Variants in ACOT12 observed in about 807,000 individuals in gnomAD.
ACOT12 encodes the protein acyl-CoA thioesterase 12.
A neutral mutation model predicts 67.7 loss-of-function variants in ACOT12; 51 were observed. The observed-to-expected ratio is 0.75, with a 90% CI of 0.60 to 0.95. ACOT12 has a LOEUF of 0.95. Among genes scored for constraint, ACOT12 ranks in the 40% least tolerant of loss-of-function variants. The pLI is 0.00. For missense variants in ACOT12, 734 were observed against 708.1 expected (o/e 1.04, Z -0.41); for synonymous variants, 251 against 244.6 (o/e 1.03, Z -0.24).
chr5:81,330,728 C>T (rs1459063531), intron 14 of ACOT12, 86 bp downstream of exon 14: 1 of 1,557,832 alleles, frequency 6.4e-7, no homozygotes, highest in East Asian at 2.3e-5. Context: ...TACAAGATTA[C>T]AATTAATTAG....
chr5:81,308,936 A>G, the ACOT12 span: 20 of 1,611,548 alleles, frequency 1.2e-5, no homozygotes, highest in Non-Finnish European at 1.7e-5. Context: ...GGAACTGTTG[A>G]TTTTTACAGG....
chr5:81,366,777 C>T (rs983820375), intron 3 of ACOT12, among the ~76,000 whole-genome samples: 7 of 152,116 alleles, frequency 4.6e-5, no homozygotes, highest in Admixed American at 2.0e-4. Flanking sequence ...ATAAGATTAA[C>T]AGCAGTTTAG....
At chr5:81,380,063 C>T (rs921243832) in intron 2 of ACOT12, among the ~76,000 whole-genome samples, 7 of 152,162 alleles carry the variant, frequency 4.6e-5, no homozygotes, top group African/African-American at 1.7e-4. Context: ...ATAATACATA[C>T]ATATGTATAT....
the ACOT12 span, among the ~76,000 whole-genome samples, chr5:81,324,185 C>G: frequency 1.3e-5 from 2 of 152,224 alleles, no homozygotes; most frequent in Admixed American, 1.3e-4. Context: ...AGTTAATCTG[C>G]CTGCCTTGGC....
intron 3 of ACOT12, among the ~76,000 whole-genome samples, chr5:81,368,842 A>C (rs892026021): frequency 5.3e-5 from 8 of 152,058 alleles, no homozygotes; most frequent in Admixed American, 2.0e-4. Flanking sequence ...AAGTAAAATA[A>C]ATTAGACACA....
rs6872090 is a variant in ACOT12 at position 81,356,596 on chromosome 5, C to G, written c.496+3307G>C. On this transcript the variant is annotated intron_variant, in intron 5 of 14. Transcript: ENST00000307624. ...CACTTCAGACTCCATATGCCTAAAA[C>G]TGAACTCATCATCTACCTCCCAAAA... Among the ~76,000 whole-genome samples, 647 of 152,216 alleles carry G rather than the reference C, an allele frequency of 4.3e-3. 4 individuals carry two copies. Among genetic ancestry groups the G allele is most frequent in the African/African-American group, 0.015 (616 of 41,528 alleles).
In ACOT12 at chr5:81,335,837, C is replaced by A; in HGVS notation, c.1193G>T (p.Ser398Ile). The A allele has an allele frequency of 1.2e-6, 2 of 1,614,114 alleles. No homozygotes were observed. Among genetic ancestry groups the A allele is most frequent in the South Asian group, 2.2e-5 (2 of 91,070 alleles). Residue 398 changes from serine (S) to isoleucine (I), a missense_variant, in exon 12 of 15, where the codon AGT becomes ATT. Ser to Ile is a moderately radical substitution (Grantham distance 142). Transcript: ENST00000307624. ...GAGACGATAAGCCAAATGTGCTGGACTTCCCACGTGCTTTTCAACCCAAAC... is the reference window on the plus strand; with the variant it reads ...GAGACGATAAGCCAAATGTGCTGGAATTCCCACGTGCTTTTCAACCCAAAC... ...LSVWVEKHVG[S>I]PAHLAYRLLS...
intron 1 of ACOT12, among the ~76,000 whole-genome samples, chr5:81,389,133 G>T (rs528136682): frequency 6.6e-6 from 1 of 152,318 alleles, no homozygotes; most frequent in African/African-American, 2.4e-5. Flanking sequence ...ATGACAGTCA[G>T]TAACTGAGAT....
At chr5:81,346,964 TA>T (rs1759399972) in intron 6 of ACOT12, among the ~76,000 whole-genome samples, 1 of 152,204 alleles carries the variant, frequency 6.6e-6, no homozygotes, top group Admixed American at 6.5e-5. Flanking sequence ...CCATTAAGAA[TA>T]AAATAACCTT....
chr5:81,327,180 T>TATACACACATATATATAATATA (rs1166787505), downstream of ACOT12, among the ~76,000 whole-genome samples: 33 of 147,780 alleles, frequency 2.2e-4, no homozygotes, highest in Middle Eastern at 7.1e-3. Context: ...TGTATATATA[T>TATACACACATATATATAATATA]ATACACACAC....
At position 81,377,677 on chromosome 5, in the gene ACOT12, G is replaced by A. The variant is rs181666053; in HGVS notation, c.198-5867C>T. Among the ~76,000 whole-genome samples, 24 of 152,278 alleles carry A rather than the reference G, an allele frequency of 1.6e-4. No individual in the cohort carries two copies. In the East Asian group the frequency reaches 4.4e-3, roughly 28 times the overall value. On this transcript the variant is annotated intron_variant, in intron 2 of 14. Transcript: ENST00000307624. ...CAAAATCAATGTGCAAAAATCACAA[G>A]CATTCTTATACACCAATAACAGACA...
At chr5:81,363,679 G>A in intron 4 of ACOT12, 109 bp downstream of exon 4, 1 of 683,258 alleles carries the variant, frequency 1.5e-6, no homozygotes, top group East Asian at 3.1e-5. Flanking sequence ...TCTTGGGGAA[G>A]TATATCTCAT....
chr5:81,312,725 C>A, the ACOT12 span: 1 of 1,273,710 alleles, frequency 7.9e-7, no homozygotes, highest in South Asian at 1.3e-5. Flanking sequence ...GCCCGCTTCA[C>A]GAGTTAGAGT....
chr5:81,313,278 G>A, the ACOT12 span: 4 of 152,080 alleles, frequency 2.6e-5, no homozygotes, highest in Non-Finnish European at 5.9e-5. Context: ...ACAGGGATTT[G>A]GTTTTTGTTT....
In ACOT12 at chr5:81,377,735, C is replaced by A. The variant is rs997163017; in HGVS notation, c.198-5925G>T. On this transcript the variant is annotated intron_variant, in intron 2 of 14. Coordinates refer to ENST00000307624, the MANE Select transcript of ACOT12 (RefSeq NM_130767.3). ...AAATCATGAGTGAACTCCCATTCAC[C>A]ATTGCTTCAAAGAGAATAAAATACC... 3.4e-4 allele frequency among the ~76,000 whole-genome samples: 52 copies of A among 152,120 alleles called. 1 individual carries two copies. Among genetic ancestry groups the A allele is most frequent in the Non-Finnish European group, 1.5e-5 (1 of 67,972 alleles).
chr5:81,377,444 C>A (rs1277390927), intron 2 of ACOT12, among the ~76,000 whole-genome samples: 1 of 152,192 alleles, frequency 6.6e-6, no homozygotes, highest in Non-Finnish European at 1.5e-5. Context: ...CAAGGATGCG[C>A]TCTCTCACCA....
At chr5:81,362,958 C>T (rs73126068) in intron 4 of ACOT12, among the ~76,000 whole-genome samples, 1,762 of 152,246 alleles carry the variant, frequency 0.012, 39 homozygotes, top group African/African-American at 0.04. Flanking sequence ...CACCTCAGAA[C>T]TTTGGGAGAT....
the ACOT12 span, among the ~76,000 whole-genome samples, chr5:81,315,592 C>A: frequency 6.6e-6 from 1 of 152,152 alleles, no homozygotes; most frequent in Admixed American, 6.5e-5. Flanking sequence ...TAAAAGGAAT[C>A]AACAGAGAGA....
At chr5:81,341,669 C>T (rs1380545858) in intron 11 of ACOT12, among the ~76,000 whole-genome samples, 4 of 152,136 alleles carry the variant, frequency 2.6e-5, no homozygotes, top group Non-Finnish European at 5.9e-5. Flanking sequence ...GTGAGCAGAT[C>T]GGCCCTCAGG....
Sources: allele counts gnomAD v4.1 joint callset (sites outside exome capture counted in the v4.1 genomes callset), GRCh38; gene constraint gnomAD v4.1.1; transcripts MANE v1.5; gene names NCBI Gene and HGNC (gene_info 2026-07-23, HGNC 2026-07-21).